UGGT2: variants seen among roughly 807,000 people sequenced by gnomAD.
UGGT2 encodes UDP-glucose glycoprotein glucosyltransferase 2.
UGGT2 carries 180 observed loss-of-function variants against 192.1 expected under a neutral mutation model. That is an observed-to-expected ratio of 0.94 (90% CI 0.83 to 1.06). The LOEUF (loss-of-function observed/expected upper bound fraction) is 1.06, where lower values mean the gene tolerates loss of function less well. Ranked by LOEUF, UGGT2 falls within the 50% of genes least tolerant of loss-of-function variation. The pLI is 0.00. For synonymous variants in UGGT2, 580 were observed against 591.0 expected (o/e 0.98, Z 0.27); for missense variants, 1,849 against 1,795.7 (o/e 1.03, Z -0.54).
At chr13:95,922,126 T>C (rs951381712) in intron 20 of UGGT2, among the ~76,000 whole-genome samples, 2 of 152,190 alleles carry the variant, frequency 1.3e-5, no homozygotes, top group African/African-American at 4.8e-5. Flanking sequence ...ACACATTGAT[T>C]GATAGAATGA....
chr13:95,895,164 G>T lies in UGGT2; in HGVS notation c.2759+16C>A. 1 of 1,560,900 alleles carries T rather than the reference G, an allele frequency of 6.4e-7. No homozygotes were observed. The highest frequency in any genetic ancestry group is 1.2e-5 in the South Asian group (1 of 81,246). ...CCAAACCCAAAATGAATTGCTCTTA[G>T]AACTTATATACTCACTTATTTGCGT... On this transcript the variant is annotated intron_variant, in intron 23 of 38. Transcript: ENST00000376747.
At chr13:95,856,886 A>G (rs1244817102) in intron 33 of UGGT2, among the ~76,000 whole-genome samples, 2 of 152,164 alleles carry the variant, frequency 1.3e-5, no homozygotes, top group African/African-American at 4.8e-5. Flanking sequence ...TGAATATTTC[A>G]TATTTGAGTA....
chr13:95,952,320 C>T (rs913852942), intron 12 of UGGT2, among the ~76,000 whole-genome samples: 1 of 151,960 alleles, frequency 6.6e-6, no homozygotes, highest in African/African-American at 2.4e-5. Flanking sequence ...AAGATTTTGG[C>T]AAAAGATATA....
chr13:95,964,832 C>T (rs111346940), intron 12 of UGGT2, among the ~76,000 whole-genome samples: 3 of 151,986 alleles, frequency 2.0e-5, no homozygotes, highest in East Asian at 3.9e-4. Flanking sequence ...AGAAAATTTT[C>T]GCAACCTACC....
intron 7 of UGGT2, chr13:95,990,977 G>A (rs1170931043): frequency 6.6e-6 from 1 of 152,072 alleles, no homozygotes; most frequent in Non-Finnish European, 1.5e-5. Flanking sequence ...TGTGGTGTTT[G>A]GTTTTCTGTT....
intron 5 of UGGT2, among the ~76,000 whole-genome samples, chr13:96,009,321 C>T (rs911233519): frequency 6.6e-6 from 1 of 152,034 alleles, no homozygotes; most frequent in Non-Finnish European, 1.5e-5. Context: ...GCAATTGCAA[C>T]AAAAACAAAA....
intron 1 of UGGT2, among the ~76,000 whole-genome samples, chr13:96,040,827 G>C (rs2139197241): frequency 6.6e-6 from 1 of 152,204 alleles, no homozygotes; most frequent in Non-Finnish European, 1.5e-5. Context: ...CCAACTCTAA[G>C]ACTCTCAAGG....
chr13:95,834,065 T>C (rs1377152921), intron 37 of UGGT2, among the ~76,000 whole-genome samples: 3 of 152,204 alleles, frequency 2.0e-5, no homozygotes, highest in Admixed American at 6.5e-5. Context: ...CTGAGGTAAG[T>C]GGACAACACA....
At chr13:95,832,682 C>A in intron 38 of UGGT2, 1 of 580,368 alleles carries the variant, frequency 1.7e-6, no homozygotes, top group Non-Finnish European at 3.3e-6. Context: ...TGTCAGGAGA[C>A]TAATGTTACA....
intron 26 of UGGT2, 99 bp from the exon 27 acceptor site, chr13:95,884,779 G>C: frequency 8.4e-7 from 1 of 1,195,224 alleles, no homozygotes; most frequent in Non-Finnish European, 1.1e-6. Context: ...CTGACCAGAA[G>C]TCTACAATCA....
chr13:96,021,276 T>C (rs1436535471), intron 4 of UGGT2, among the ~76,000 whole-genome samples: 1 of 152,204 alleles, frequency 6.6e-6, no homozygotes, highest in Non-Finnish European at 1.5e-5. Context: ...GCAGATGGAC[T>C]TTCCTAATAG....
chr13:95,815,932 G>A (rs1884842759), intron 38 of UGGT2, among the ~76,000 whole-genome samples: 1 of 152,162 alleles, frequency 6.6e-6, no homozygotes, highest in African/African-American at 2.4e-5. Flanking sequence ...TCTTGTGATA[G>A]TGAGTGAGTT....
At chr13:96,042,354 G>T (rs914619546) in intron 1 of UGGT2, among the ~76,000 whole-genome samples, 5 of 152,128 alleles carry the variant, frequency 3.3e-5, no homozygotes, top group Admixed American at 3.3e-4. Flanking sequence ...TGGGACAAAA[G>T]AATCTGAACA....
At chr13:95,902,509 G>C (rs2048133531) in intron 21 of UGGT2, among the ~76,000 whole-genome samples, 1 of 151,046 alleles carries the variant, frequency 6.6e-6, no homozygotes, top group Admixed American at 6.6e-5. Context: ...TCTTCAAGAG[G>C]ATCATCGTTG....
chr13:95,872,317 G>A (rs1891290524), intron 29 of UGGT2, among the ~76,000 whole-genome samples: 1 of 152,142 alleles, frequency 6.6e-6, no homozygotes, highest in South Asian at 2.1e-4. Flanking sequence ...CACATTGTGG[G>A]CATTATGCCT....
At chr13:95,951,166 T>A (rs1467097652) in intron 12 of UGGT2, among the ~76,000 whole-genome samples, 1 of 152,018 alleles carries the variant, frequency 6.6e-6, no homozygotes. Flanking sequence ...TATGTTCCAA[T>A]AGCTAAAAGA....
At chr13:95,851,728 C>G (rs1169323468) in intron 36 of UGGT2, among the ~76,000 whole-genome samples, 1 of 152,124 alleles carries the variant, frequency 6.6e-6, no homozygotes, top group African/African-American at 2.4e-5. Context: ...GAGTGGGAGC[C>G]AAACTACATT....
chr13:95,832,911 C>A lies in UGGT2; in HGVS notation c.4528+16G>T. The A allele has an allele frequency of 1.9e-6, 3 of 1,610,994 alleles. No individual in the cohort carries two copies. The highest frequency in any genetic ancestry group is 2.5e-6 in the Non-Finnish European group (3 of 1,178,140). ...GCAACGCATGTTTCAGACATCACAA[C>A]ACGTTGATGACTTACTTGTATCTTG... On this transcript the variant is annotated intron_variant, in intron 38 of 38. Coordinates refer to ENST00000376747, the MANE Select transcript of UGGT2 (RefSeq NM_020121.4).
intron 6 of UGGT2, among the ~76,000 whole-genome samples, chr13:95,997,309 C>G (rs1404094269): frequency 6.6e-6 from 1 of 152,108 alleles, no homozygotes; most frequent in Non-Finnish European, 1.5e-5. Flanking sequence ...CATTCTCTAA[C>G]AGAGCAGCAA....
Sources: allele counts gnomAD v4.1 joint callset (sites outside exome capture counted in the v4.1 genomes callset), GRCh38; gene constraint gnomAD v4.1.1; transcripts MANE v1.5; gene names NCBI Gene and HGNC (gene_info 2026-07-23, HGNC 2026-07-21).